ROBO2: variants seen among roughly 807,000 people sequenced by gnomAD.
ROBO2 encodes the protein roundabout guidance receptor 2.
In ROBO2, 53 loss-of-function variants were observed where a neutral mutation model predicts 160.8. The observed-to-expected ratio is 0.33, with a 90% CI of 0.26 to 0.41. The LOEUF is 0.41. ROBO2 is among the 10% of genes least tolerant of loss of function. The pLI is 1.00. For synonymous variants in ROBO2, 664 were observed against 611.7 expected, an observed-to-expected ratio of 1.09 and a Z score of -1.26; for missense variants, 1,577 against 1,722.4, an observed-to-expected ratio of 0.92 and a Z score of 1.49.
chr3:76,825,247 G>A (rs1319224933), intron 2 of ROBO2, among the ~76,000 whole-genome samples: 2 of 152,120 alleles, frequency 1.3e-5, no homozygotes, highest in East Asian at 3.9e-4. Flanking sequence ...GGACAAACAA[G>A]AATGGATTTG....
intron 2 of ROBO2, among the ~76,000 whole-genome samples, chr3:76,285,192 A>G (rs1708447803): frequency 6.6e-6 from 1 of 152,158 alleles, no homozygotes; most frequent in Non-Finnish European, 1.5e-5. Context: ...GTAGTCATTT[A>G]CTGGATAAAT....
At chr3:76,705,486 C>T (rs562185248) in intron 2 of ROBO2, among the ~76,000 whole-genome samples, 7 of 152,000 alleles carry the variant, frequency 4.6e-5, no homozygotes, top group African/African-American at 1.2e-4. Flanking sequence ...TGAGCAGCAT[C>T]CAATGATGCA....
intron 2 of ROBO2, among the ~76,000 whole-genome samples, chr3:76,773,892 A>G (rs1246264082): frequency 6.6e-6 from 1 of 150,858 alleles, no homozygotes; most frequent in African/African-American, 2.4e-5. Context: ...CCTTAATAAC[A>G]TGAGCTATAA....
intron 2 of ROBO2, among the ~76,000 whole-genome samples, chr3:76,220,398 T>C (rs1344584653): frequency 1.3e-5 from 2 of 151,938 alleles, no homozygotes; most frequent in Admixed American, 1.3e-4. Context: ...GTGTGGTCTT[T>C]TAGGGGGTGA....
chr3:76,088,052 A>T (rs957414075), intron 2 of ROBO2, among the ~76,000 whole-genome samples: 1 of 152,134 alleles, frequency 6.6e-6, no homozygotes, highest in Non-Finnish European at 1.5e-5. Flanking sequence ...TGCTAACACT[A>T]ATCAAAAGAA....
intron 2 of ROBO2, among the ~76,000 whole-genome samples, chr3:77,131,753 A>G (rs1225192876): frequency 6.6e-6 from 1 of 152,184 alleles, no homozygotes. Context: ...GTGTTGAATG[A>G]GTACAGCATA....
chr3:76,898,962 T>C (rs1410248133), intron 2 of ROBO2, among the ~76,000 whole-genome samples: 2 of 152,152 alleles, frequency 1.3e-5, no homozygotes, highest in Non-Finnish European at 2.9e-5. Context: ...AGCCCCTTCC[T>C]TTATGTGACA....
intron 2 of ROBO2, among the ~76,000 whole-genome samples, chr3:76,939,554 G>A (rs781719820): frequency 6.6e-6 from 1 of 152,106 alleles, no homozygotes; most frequent in Non-Finnish European, 1.5e-5. Context: ...ACTTTGGGAG[G>A]CTGAGGTGGG....
intron 2 of ROBO2, among the ~76,000 whole-genome samples, chr3:77,319,909 C>G (rs1238584174): frequency 6.6e-6 from 1 of 152,048 alleles, no homozygotes; most frequent in African/African-American, 2.4e-5. Flanking sequence ...GGTAGAGAGC[C>G]TAAAAACCCA....
intron 2 of ROBO2, among the ~76,000 whole-genome samples, chr3:76,552,106 T>A (rs1420885089): frequency 6.6e-6 from 1 of 152,218 alleles, no homozygotes; most frequent in Admixed American, 6.5e-5. Context: ...TTCTTACCAT[T>A]ATTTCTTAGA....
At chr3:75,978,261 C>T (rs1576360628) in intron 2 of ROBO2, among the ~76,000 whole-genome samples, 2 of 151,548 alleles carry the variant, frequency 1.3e-5, no homozygotes, top group Middle Eastern at 6.8e-3. Flanking sequence ...CTAGTGAATA[C>T]ACTAATGGGC....
chr3:75,965,797 AG>A (rs1949088867), intron 2 of ROBO2, among the ~76,000 whole-genome samples: 1 of 151,648 alleles, frequency 6.6e-6, no homozygotes, highest in South Asian at 2.1e-4. Flanking sequence ...AAGTTACACC[AG>A]TTTCAATTTC....
At chr3:75,923,955 A>G (rs1195534704) in intron 1 of ROBO2, among the ~76,000 whole-genome samples, 1 of 152,238 alleles carries the variant, frequency 6.6e-6, no homozygotes, top group Non-Finnish European at 1.5e-5. Context: ...ACTGTGCACA[A>G]TGTGTTAGCA....
chr3:77,290,000 G>C (rs2060987758), intron 2 of ROBO2, among the ~76,000 whole-genome samples: 1 of 151,528 alleles, frequency 6.6e-6, no homozygotes, highest in African/African-American at 2.4e-5. Context: ...GGTAAACTGA[G>C]GCTAGATCCC....
intron 2 of ROBO2, among the ~76,000 whole-genome samples, chr3:76,859,639 TGA>T (rs1358992488): frequency 6.6e-6 from 1 of 152,156 alleles, no homozygotes; most frequent in Non-Finnish European, 1.5e-5. Flanking sequence ...GAGGATGTGG[TGA>T]GAACACATGG....
chr3:77,090,724 A>G (rs564083575), intron 1 of ROBO2, among the ~76,000 whole-genome samples: 23 of 152,168 alleles, frequency 1.5e-4, no homozygotes, highest in African/African-American at 5.1e-4. Flanking sequence ...TAACTGATCA[A>G]TAACCTGTGT....
At chr3:76,312,642 G>A (rs534514612) in intron 2 of ROBO2, among the ~76,000 whole-genome samples, 1 of 152,292 alleles carries the variant, frequency 6.6e-6, no homozygotes, top group Non-Finnish European at 1.5e-5. Context: ...CAAACTGCAA[G>A]CAGTTATTTA....
chr3:76,649,402 C>T (rs1032825548), intron 2 of ROBO2, among the ~76,000 whole-genome samples: 1 of 152,106 alleles, frequency 6.6e-6, no homozygotes, highest in Admixed American at 6.5e-5. Context: ...TGGAAGAATA[C>T]AGCTCCAGAC....
intron 2 of ROBO2, among the ~76,000 whole-genome samples, chr3:76,833,982 TTTC>T (rs1250456351): frequency 1.0e-5 from 1 of 98,994 alleles, no homozygotes; most frequent in Non-Finnish European, 2.4e-5. Flanking sequence ...CTTTCTTTTC[TTTC>T]TTTCTTTCTT....
Sources: allele counts gnomAD v4.1 joint callset (sites outside exome capture counted in the v4.1 genomes callset), GRCh38; gene constraint gnomAD v4.1.1; transcripts MANE v1.5; gene names NCBI Gene and HGNC (gene_info 2026-07-23, HGNC 2026-07-21).